The following FMO4 variants were observed in gnomAD, a reference collection of about 807,000 sequenced individuals.
The protein encoded by FMO4 is dimethylaniline monooxygenase [N-oxide-forming] 4.
A neutral mutation model predicts 43.3 loss-of-function variants in FMO4; 38 were observed. The observed-to-expected ratio is 0.88, with a 90% CI of 0.68 to 1.15. The LOEUF is 1.15. FMO4 is among the 50% of genes most tolerant of loss of function. The pLI, the probability that FMO4 is intolerant of heterozygous loss-of-function variation, is 0.00. For missense variants in FMO4, 631 were observed against 663.3 expected (o/e 0.95, Z 0.54); for synonymous variants, 224 against 232.2 (o/e 0.96, Z 0.32).
chr1:171,328,649 CAA>C (rs1286478526), intron 5 of FMO4, among the ~76,000 whole-genome samples: 31 of 131,638 alleles, frequency 2.4e-4, no homozygotes, highest in Admixed American at 1.5e-4. Flanking sequence ...GACCCTGTCT[CAA>C]AAAAAAAAAA....
At chr1:171,326,290 T>C (rs1258983268) in intron 5 of FMO4, among the ~76,000 whole-genome samples, 1 of 152,162 alleles carries the variant, frequency 6.6e-6, no homozygotes, top group Non-Finnish European at 1.5e-5. Flanking sequence ...AAAAAATCCA[T>C]AGAAATCACA....
In FMO4 at chr1:171,341,700, A is replaced by G. The variant is rs963535946; in HGVS notation, c.1538A>G (p.His513Arg). ...PDSSKPASMSHYLKAWGAPVL... is the reference protein window; with the variant it reads ...PDSSKPASMSRYLKAWGAPVL... ...TCCTCCAAGCCTGCCTCCATGTCAC[A>G]TTATTTAAAAGCCTGGGGGGCACCT... Residue 513 changes from histidine to arginine, a missense_variant, in exon 10 of 10, where the codon CAT (histidine) becomes CGT (arginine). Coordinates refer to ENST00000367749, the MANE Select transcript of FMO4 (RefSeq NM_002022.3). 3 of 1,613,916 alleles carry G rather than the reference A, an allele frequency of 1.9e-6. No homozygotes were observed. Among genetic ancestry groups the G allele is most frequent in the Non-Finnish European group, 2.5e-6 (3 of 1,179,972 alleles).
At chr1:171,318,037 C>A (rs1225906192) in intron 2 of FMO4, among the ~76,000 whole-genome samples, 3 of 152,074 alleles carry the variant, frequency 2.0e-5, no homozygotes, top group Non-Finnish European at 4.4e-5. Flanking sequence ...GGGACCAGGC[C>A]GGGCACGGTG....
At chr1:171,332,646 G>A in intron 6 of FMO4, 63 bp from the exon 7 acceptor site, 1 of 1,391,906 alleles carries the variant, frequency 7.2e-7, no homozygotes, top group Non-Finnish European at 1.0e-6. Context: ...GAAACACACT[G>A]ATGAAAAATA....
chr1:171,314,746 A>G (rs2101867431), intron 1 of FMO4, among the ~76,000 whole-genome samples: 1 of 152,294 alleles, frequency 6.6e-6, no homozygotes, highest in African/African-American at 2.4e-5. Context: ...CAAATACCCC[A>G]TAGATGGCGT....
intron 5 of FMO4, among the ~76,000 whole-genome samples, chr1:171,331,423 T>C (rs188771972): frequency 2.3e-4 from 35 of 152,344 alleles, no homozygotes; most frequent in Non-Finnish European, 4.6e-4. Flanking sequence ...AGATTTCCTA[T>C]GTTTTTAACA....
In FMO4 at chr1:171,341,917, C is replaced by T; in HGVS notation, c.*78C>T. 1 of 1,174,616 alleles carries T rather than the reference C, an allele frequency of 8.5e-7. No individual in the cohort carries two copies. The highest frequency in any genetic ancestry group is 1.2e-6 in the Non-Finnish European group (1 of 833,632). 72.8% of individuals were successfully genotyped at this position (1,174,616 alleles called of 1,614,324 possible). A position where few individuals can be genotyped will look rare whatever the true frequency, so the allele number is the denominator to read the frequency against. ...TCTTGTGCATCCCTCCTCTGCTCTC[C>T]ATCATAACTGCTATTAGCCAAATTC... On this transcript the variant is annotated 3_prime_UTR_variant, in exon 10 of 10. Transcript: ENST00000367749.
At chr1:171,327,398 T>C (rs1571399478) in intron 5 of FMO4, among the ~76,000 whole-genome samples, 1 of 152,186 alleles carries the variant, frequency 6.6e-6, no homozygotes, top group Non-Finnish European at 1.5e-5. Flanking sequence ...ATACAGGCTC[T>C]GCTACTTACT....
chr1:171,335,338 G>C (rs541507357), intron 8 of FMO4, among the ~76,000 whole-genome samples: 6 of 152,194 alleles, frequency 3.9e-5, no homozygotes, highest in Admixed American at 3.9e-4. Context: ...AATAAATCCC[G>C]TATGACAAGA....
At chr1:171,330,473 AG>A (rs775999330) in intron 5 of FMO4, among the ~76,000 whole-genome samples, 1 of 152,248 alleles carries the variant, frequency 6.6e-6, no homozygotes, top group Non-Finnish European at 1.5e-5. Flanking sequence ...AAAGGAAAGA[AG>A]TTTAATTGAC....
chr1:171,325,885 T>TTGCCTGAGC (rs1223754759), intron 5 of FMO4, among the ~76,000 whole-genome samples: 8 of 131,180 alleles, frequency 6.1e-5, no homozygotes, highest in African/African-American at 8.9e-5. Context: ...TCTCACTCTG[T>TTGCCTGAGC]TGCCTGAGCT....
chr1:171,336,864 C>T (rs1663139433), intron 8 of FMO4, among the ~76,000 whole-genome samples: 2 of 152,100 alleles, frequency 1.3e-5, no homozygotes, highest in South Asian at 2.1e-4. Context: ...GCCCTCCCAA[C>T]GTGCTGGGGT....
chr1:171,337,385 T>C lies in FMO4; in HGVS notation c.1210T>C (p.Leu404=), dbSNP rs781148474. Residue 404 remains leucine (L), a synonymous_variant, in exon 9 of 10, where the codon TTG becomes CTG. Coordinates refer to ENST00000367749, the MANE Select transcript of FMO4 (RefSeq NM_002022.3). ...GLCKIPPSQK[L]MMEATEKEQL... is the part of the protein sequence containing the mutation. The stretch of plus-strand genomic sequence containing the variant: ...CTGTAAGATACCTCCATCCCAAAAA[T>C]TGATGATGGAGGCTACTGAAAAGGA... 5.6e-6 allele frequency: 9 copies of C among 1,613,134 alleles called. No individual in the cohort carries two copies. Among genetic ancestry groups the C allele is most frequent in the African/African-American group, 1.3e-5 (1 of 74,978 alleles).
chr1:171,324,193 A>C lies in FMO4; in HGVS notation c.377A>C (p.Asp126Ala). The C allele has an allele frequency of 6.2e-7, 1 of 1,613,834 alleles. No homozygotes were observed. Among genetic ancestry groups the C allele is most frequent in the Non-Finnish European group, 8.5e-7 (1 of 1,179,840 alleles). Residue 126 changes from aspartate to alanine, a missense_variant, in exon 5 of 10, where the codon GAT becomes GCT. Physicochemically the swap from Asp to Ala is moderately radical, Grantham distance 126. Coordinates refer to ENST00000367749, the MANE Select transcript of FMO4 (RefSeq NM_002022.3). Reference protein sequence around the residue: ...RPDFSETGQWDVVTETEGKQN... With the variant: ...RPDFSETGQWAVVTETEGKQN... ...GACTTCTCCGAAACTGGTCAGTGGG[A>C]TGTTGTCACAGAGACAGAGGGCAAG...
rs1284055613 is a variant in FMO4 at position 171,341,714 on chromosome 1, T to G, written c.1552T>G (p.Trp518Gly). 1.2e-6 allele frequency: 2 copies of G among 1,613,874 alleles called. No individual in the cohort carries two copies. Among genetic ancestry groups the G allele is most frequent in the East Asian group, 4.5e-5 (2 of 44,846 alleles). The change falls in exon 10 of 10, where the codon TGG becomes GGG. Residue 518 changes from tryptophan (W) to glycine (G), a missense_variant. Transcript: ENST00000367749. ...CTCCATGTCACATTATTTAAAAGCC[T>G]GGGGGGCACCTGTCCTACTTGCCTC... ...PASMSHYLKA[W>G]GAPVLLASLL... is the part of the protein sequence containing the mutation.
At chr1:171,321,509 A>G (rs915214057) in intron 3 of FMO4, among the ~76,000 whole-genome samples, 1 of 152,230 alleles carries the variant, frequency 6.6e-6, no homozygotes, top group African/African-American at 2.4e-5. Flanking sequence ...TATAAATGCT[A>G]TATAAATAGC....
intron 4 of FMO4, 129 bp from the exon 5 acceptor site, chr1:171,324,009 A>AGT: frequency 1.3e-6 from 1 of 758,878 alleles, no homozygotes. Flanking sequence ...GAAGATGATA[A>AGT]ATCAATATTA....
chr1:171,339,724 A>C (rs1438462014), intron 9 of FMO4, among the ~76,000 whole-genome samples: 1 of 152,212 alleles, frequency 6.6e-6, no homozygotes, highest in African/African-American at 2.4e-5. Context: ...AGTAGAGTCA[A>C]AGAAGAAGGC....
chr1:171,331,620 T>C lies in FMO4; in HGVS notation c.485-20T>C. Reference sequence around the variant, plus strand: ...ATAACTTTAGACATTTCAGACTTTCTGATCCTTCACTCCTCTCAGGAATTC... The same window carrying C: ...ATAACTTTAGACATTTCAGACTTTCCGATCCTTCACTCCTCTCAGGAATTC... On this transcript the variant is annotated intron_variant, in intron 5 of 9. Transcript: ENST00000367749. 1 of 1,612,644 alleles carries C rather than the reference T, an allele frequency of 6.2e-7. No homozygotes were observed. The highest frequency in any genetic ancestry group is 8.5e-7 in the Non-Finnish European group (1 of 1,178,756).
Sources: allele counts gnomAD v4.1 joint callset (sites outside exome capture counted in the v4.1 genomes callset), GRCh38; gene constraint gnomAD v4.1.1; transcripts MANE v1.5; gene names NCBI Gene and HGNC (gene_info 2026-07-23, HGNC 2026-07-21).